Variants in ASAP1 observed in about 807,000 individuals in gnomAD.
ASAP1 encodes ArfGAP with SH3 domain, ankyrin repeat and PH domain 1.
ASAP1 carries 43 observed loss-of-function variants against 145.2 expected under a neutral mutation model. The observed-to-expected ratio is 0.30, with a 90% CI of 0.23 to 0.38. The LOEUF is 0.38. Ranked by LOEUF, ASAP1 falls within the 10% of genes least tolerant of loss-of-function variation. The pLI, the probability that ASAP1 is intolerant of heterozygous loss-of-function variation, is 1.00. For synonymous variants in ASAP1, 546 were observed against 515.5 expected, an observed-to-expected ratio of 1.06 and a Z score of -0.80; for missense variants, 1,018 against 1,355.3, an observed-to-expected ratio of 0.75 and a Z score of 3.91.
intron 1 of ASAP1, among the ~76,000 whole-genome samples, chr8:130,415,567 C>A (rs902134095): frequency 1.2e-4 from 18 of 152,048 alleles, no homozygotes; most frequent in Non-Finnish European, 2.5e-4. Context: ...GCTGGTGGAT[C>A]ACCTGAGGTC....
At chr8:130,131,186 A>G (rs1005310789) in intron 15 of ASAP1, among the ~76,000 whole-genome samples, 2 of 151,928 alleles carry the variant, frequency 1.3e-5, no homozygotes, top group Non-Finnish European at 2.9e-5. Context: ...ACAAACAAAC[A>G]AACAAAAAAG....
At chr8:130,277,480 C>A (rs1388394460) in intron 3 of ASAP1, among the ~76,000 whole-genome samples, 2 of 152,144 alleles carry the variant, frequency 1.3e-5, no homozygotes, top group African/African-American at 2.4e-5. Flanking sequence ...ATTTTTACCA[C>A]ATGAAAAATG....
intron 3 of ASAP1, among the ~76,000 whole-genome samples, chr8:130,322,518 A>C (rs1824070622): frequency 6.6e-6 from 1 of 152,198 alleles, no homozygotes; most frequent in South Asian, 2.1e-4. Flanking sequence ...CAGATGGCAC[A>C]TATATCTTAA....
chr8:130,092,105 G>A lies in ASAP1; in HGVS notation c.2440C>T (p.Gln814Ter), dbSNP rs748924496. The A allele has an allele frequency of 6.4e-7, 1 of 1,570,914 alleles. No homozygotes were observed. Among genetic ancestry groups the A allele is most frequent in the Non-Finnish European group, 8.6e-7 (1 of 1,164,702 alleles). Residue 814 changes from glutamine to a stop codon, truncating the protein, a stop_gained, in exon 25 of 30, where the codon CAG becomes TAG. Coordinates refer to ENST00000518721, the MANE Select transcript of ASAP1 (RefSeq NM_018482.4). LOFTEE classifies it high-confidence loss of function. ...AGGGTGGAGCTGCCACTAGAGGTCT[G>A]GGTGCTTAGAGGGAGTGTTGAAGGT... The part of the protein sequence containing the change: ...GPPSTLPLST[Q>*]TSSGSSTLSK...
intron 1 of ASAP1, among the ~76,000 whole-genome samples, chr8:130,437,852 C>T (rs535949093): frequency 2.6e-5 from 4 of 152,298 alleles, no homozygotes; most frequent in South Asian, 2.1e-4. Context: ...TACTGACAGG[C>T]ACTCTTCTTT....
At chr8:130,102,694 T>C (rs959668318) in intron 24 of ASAP1, among the ~76,000 whole-genome samples, 1 of 152,162 alleles carries the variant, frequency 6.6e-6, no homozygotes, top group African/African-American at 2.4e-5. Flanking sequence ...TACTATTTGA[T>C]TGATTGATTG....
At chr8:130,345,125 C>G (rs1054816722) in intron 3 of ASAP1, among the ~76,000 whole-genome samples, 1 of 152,124 alleles carries the variant, frequency 6.6e-6, no homozygotes, top group South Asian at 2.1e-4. Context: ...AAAATAGTGG[C>G]TTTGTTGCCT....
intron 28 of ASAP1, among the ~76,000 whole-genome samples, chr8:130,059,340 A>G (rs1044532136): frequency 1.3e-5 from 2 of 151,676 alleles, no homozygotes; most frequent in African/African-American, 4.8e-5. Flanking sequence ...ATTAATTTTT[A>G]TTTTTTATAG....
intron 24 of ASAP1, among the ~76,000 whole-genome samples, chr8:130,110,685 C>T (rs968650455): frequency 6.6e-6 from 1 of 152,186 alleles, no homozygotes; most frequent in Admixed American, 6.5e-5. Context: ...CATGCCAAAG[C>T]GTTATTTTAA....
At chr8:130,246,181 G>GCC (rs112953422) in intron 3 of ASAP1, among the ~76,000 whole-genome samples, 3 of 151,580 alleles carry the variant, frequency 2.0e-5, no homozygotes, top group Non-Finnish European at 4.4e-5. Flanking sequence ...CCTCCCCTTC[G>GCC]CCCCCCCATG....
Position 130,118,547 on chromosome 8 carries a change from A to T in ASAP1, c.1736T>A (p.Leu579Gln). Reference sequence around the variant, plus strand: ...TACCCCTTCTGCATAGACTTGAATTAGTGCAAGTAAATCCCTGGATTTGAT... The same window carrying T: ...TACCCCTTCTGCATAGACTTGAATTTGTGCAAGTAAATCCCTGGATTTGAT... ...EAIKSRDLLA[L>Q]IQVYAEGVEL... Residue 579 changes from leucine (L) to glutamine (Q), a missense_variant, in exon 19 of 30, where the codon CTA becomes CAA. Coordinates refer to ENST00000518721, the MANE Select transcript of ASAP1 (RefSeq NM_018482.4). 1 of 1,614,174 alleles carries T rather than the reference A, an allele frequency of 6.2e-7. No individual in the cohort carries two copies. Among genetic ancestry groups the T allele is most frequent in the Non-Finnish European group, 8.5e-7 (1 of 1,180,012 alleles).
chr8:130,405,569 T>G (rs1392093638), intron 1 of ASAP1, among the ~76,000 whole-genome samples: 2 of 152,188 alleles, frequency 1.3e-5, no homozygotes, highest in Non-Finnish European at 2.9e-5. Context: ...AGCTTCACCC[T>G]TGTCAGCGAG....
At chr8:130,084,107 T>C (rs1313430618) in intron 25 of ASAP1, 15 of 152,216 alleles carry the variant, frequency 9.9e-5, no homozygotes, top group Admixed American at 9.8e-4. Context: ...ACACCACTTT[T>C]TAACAAAATG....
chr8:130,074,440 AACACACACACACACACACACACACACAC>A (rs57005471), intron 27 of ASAP1, among the ~76,000 whole-genome samples: 3 of 119,236 alleles, frequency 2.5e-5, no homozygotes, highest in African/African-American at 8.9e-5. Context: ...CCAAATAGTA[AACACACACACACACACACACACACACAC>A]ACACACACAC....
At chr8:130,246,421 G>A (rs1818857694) in intron 3 of ASAP1, among the ~76,000 whole-genome samples, 2 of 152,156 alleles carry the variant, frequency 1.3e-5, no homozygotes, top group African/African-American at 4.8e-5. Context: ...CCACATGTCA[G>A]GGAAGGGGCC....
intron 1 of ASAP1, among the ~76,000 whole-genome samples, chr8:130,425,186 G>A (rs1168292949): frequency 6.6e-6 from 1 of 151,712 alleles, no homozygotes; most frequent in East Asian, 1.9e-4. Flanking sequence ...ATAAAAATTA[G>A]CTGGGCATGG....
chr8:130,169,862 G>T (rs368963253), intron 9 of ASAP1, among the ~76,000 whole-genome samples: 1 of 152,268 alleles, frequency 6.6e-6, no homozygotes, highest in African/African-American at 2.4e-5. Context: ...TCAGATCCAG[G>T]TCTGCCAGAT....
intron 13 of ASAP1, among the ~76,000 whole-genome samples, chr8:130,147,787 T>A (rs1257102951): frequency 1.3e-5 from 2 of 152,198 alleles, no homozygotes; most frequent in Non-Finnish European, 2.9e-5. Flanking sequence ...CACACACACA[T>A]TATCTACCTA....
At chr8:130,182,211 T>C (rs1814402164) in intron 7 of ASAP1, among the ~76,000 whole-genome samples, 1 of 152,244 alleles carries the variant, frequency 6.6e-6, no homozygotes, top group Non-Finnish European at 1.5e-5. Flanking sequence ...CAATTTACCA[T>C]GGTGACTTAA....
Sources: gnomAD v4.1 joint callset for allele counts (sites outside exome capture counted in the v4.1 genomes callset) on GRCh38, gnomAD v4.1.1 for gene constraint, MANE v1.5 for transcripts, NCBI Gene and HGNC (gene_info 2026-07-23, HGNC 2026-07-21) for gene names.